The following PTPRK variants were observed in gnomAD, a reference collection of about 807,000 sequenced individuals.
PTPRK encodes protein tyrosine phosphatase receptor type K.
A neutral mutation model predicts 178.0 loss-of-function variants in PTPRK; 75 were observed. The observed-to-expected ratio is 0.42, with a 90% CI of 0.35 to 0.51. The LOEUF (loss-of-function observed/expected upper bound fraction) is 0.51, where lower values mean the gene tolerates loss of function less well. Ranked by LOEUF, PTPRK falls within the 20% of genes least tolerant of loss-of-function variation. PTPRK has a pLI of 0.02. For missense variants in PTPRK, 1,441 were observed against 1,797.8 expected (o/e 0.80, Z 3.59); for synonymous variants, 637 against 620.6 (o/e 1.03, Z -0.39).
At chr6:128,121,963 T>C (rs1177156529) in intron 7 of PTPRK, among the ~76,000 whole-genome samples, 1 of 152,168 alleles carries the variant, frequency 6.6e-6, no homozygotes, top group Non-Finnish European at 1.5e-5. Flanking sequence ...TGTTCAGAGA[T>C]GTCTCATTCC....
chr6:127,996,948 T>A lies in PTPRK; in HGVS notation c.2720A>T (p.Lys907Ile). Residue 907 changes from lysine (K) to isoleucine (I), a missense_variant, in exon 17 of 30, where the codon AAA becomes ATA. Coordinates refer to ENST00000368226, the MANE Select transcript of PTPRK (RefSeq NM_002844.4). Reference sequence around the variant, plus strand: ...GTTTTTTGCTCTATTTTGATCTTTTTTAGCTACATCCCAAGATGCTGACTG... The same window carrying A: ...GTTTTTTGCTCTATTTTGATCTTTTATAGCTACATCCCAAGATGCTGACTG... ...EGQSASWDVA[K>I]KDQNRAKNRY... The A allele has an allele frequency of 6.2e-7, 1 of 1,612,084 alleles. No individual in the cohort carries two copies. Among genetic ancestry groups the A allele is most frequent in the Non-Finnish European group, 8.5e-7 (1 of 1,178,920 alleles).
At chr6:128,404,697 G>T (rs1241504185) in intron 1 of PTPRK, among the ~76,000 whole-genome samples, 1 of 152,126 alleles carries the variant, frequency 6.6e-6, no homozygotes, top group Non-Finnish European at 1.5e-5. Context: ...TGGAGCTAAT[G>T]GGTAATTAAT....
At chr6:128,308,741 C>G (rs773950039) in intron 3 of PTPRK, among the ~76,000 whole-genome samples, 2 of 152,148 alleles carry the variant, frequency 1.3e-5, no homozygotes, top group Non-Finnish European at 2.9e-5. Context: ...AACCACCCTA[C>G]GAAGTCCAGC....
intron 3 of PTPRK, among the ~76,000 whole-genome samples, chr6:128,293,253 C>T (rs905880189): frequency 5.9e-5 from 9 of 151,974 alleles, no homozygotes; most frequent in Admixed American, 6.6e-5. Flanking sequence ...CTAGAAGCTG[C>T]GAAGTCCAAA....
At chr6:128,410,911 G>A (rs1842236292) in intron 1 of PTPRK, among the ~76,000 whole-genome samples, 1 of 152,156 alleles carries the variant, frequency 6.6e-6, no homozygotes, top group South Asian at 2.1e-4. Flanking sequence ...TTCTTTTTGA[G>A]ATGGGGTCTT....
chr6:128,047,039 TG>T (rs1177100525), intron 13 of PTPRK, among the ~76,000 whole-genome samples: 23 of 152,246 alleles, frequency 1.5e-4, no homozygotes, highest in African/African-American at 5.3e-4. Flanking sequence ...ATGAAGAAAA[TG>T]CTTTTAAAAA....
intron 2 of PTPRK, among the ~76,000 whole-genome samples, chr6:128,347,039 G>A (rs2128335018): frequency 6.6e-6 from 1 of 152,232 alleles, no homozygotes; most frequent in East Asian, 1.9e-4. Flanking sequence ...GACAGCAAAA[G>A]AAAAGGAAAA....
rs573230731 is a variant in PTPRK, at chr6:127,980,109, A to G, written c.3711+1007T>C. On this transcript the variant is annotated intron_variant, in intron 25 of 29. Coordinates refer to ENST00000368226, the MANE Select transcript of PTPRK (RefSeq NM_002844.4). ...GTGGATCACCTGAGGTCAGGAGTTC[A>G]ATACCAATCTGACCAACATGGTGAA... Among the ~76,000 whole-genome samples, 16 of 152,290 alleles carry G rather than the reference A, an allele frequency of 1.1e-4. No homozygotes were observed. The South Asian group carries it at 3.1e-3, about 30-fold the overall frequency.
intron 1 of PTPRK, among the ~76,000 whole-genome samples, chr6:128,514,589 G>A (rs1857672825): frequency 2.0e-5 from 3 of 152,094 alleles, no homozygotes; most frequent in Admixed American, 1.3e-4. Flanking sequence ...CATTATCAGA[G>A]CTCAATAATC....
chr6:128,248,378 T>A (rs1815852133), intron 3 of PTPRK, among the ~76,000 whole-genome samples: 1 of 152,184 alleles, frequency 6.6e-6, no homozygotes, highest in Non-Finnish European at 1.5e-5. Context: ...TTCCACAAGA[T>A]GTGTCCTCAA....
At chr6:128,175,324 T>C (rs368913058) in intron 7 of PTPRK, among the ~76,000 whole-genome samples, 9 of 151,870 alleles carry the variant, frequency 5.9e-5, no homozygotes, top group African/African-American at 1.7e-4. Flanking sequence ...GTAAAGCGCA[T>C]TGATATAATA....
chr6:128,219,204 C>A, intron 5 of PTPRK, 108 bp from the exon 6 acceptor site: 2 of 1,068,228 alleles, frequency 1.9e-6, no homozygotes, highest in Non-Finnish European at 2.6e-6. Context: ...TGCAAAAGAG[C>A]CACAATTTTT....
At chr6:128,489,253 T>A (rs2128428151) in intron 1 of PTPRK, among the ~76,000 whole-genome samples, 1 of 152,294 alleles carries the variant, frequency 6.6e-6, no homozygotes, top group East Asian at 1.9e-4. Context: ...ATAAGGAACA[T>A]GTTTTTACTG....
chr6:128,408,334 G>T (rs1258348581), intron 1 of PTPRK, among the ~76,000 whole-genome samples: 4 of 152,162 alleles, frequency 2.6e-5, no homozygotes, highest in Non-Finnish European at 5.9e-5. Flanking sequence ...GTTACAGTGA[G>T]CCGAGATCGT....
At chr6:128,047,435 T>C (rs1045918837) in intron 13 of PTPRK, among the ~76,000 whole-genome samples, 2 of 152,152 alleles carry the variant, frequency 1.3e-5, no homozygotes, top group Non-Finnish European at 2.9e-5. Context: ...ATCAAACAAA[T>C]GAAAAATGAA....
chr6:128,267,880 C>T (rs988159561), intron 3 of PTPRK, among the ~76,000 whole-genome samples: 7 of 151,972 alleles, frequency 4.6e-5, no homozygotes, highest in Non-Finnish European at 1.0e-4. Context: ...TTGGGAAAGG[C>T]GTGAGCAAAA....
intron 2 of PTPRK, among the ~76,000 whole-genome samples, chr6:128,325,025 C>T (rs1829354311): frequency 6.6e-6 from 1 of 152,048 alleles, no homozygotes; most frequent in African/African-American, 2.4e-5. Context: ...TAACTAATTC[C>T]TCAGATTTCT....
intron 13 of PTPRK, chr6:128,027,896 C>T (rs1261219626): frequency 1.3e-5 from 2 of 152,136 alleles, no homozygotes; most frequent in Non-Finnish European, 2.9e-5. Context: ...CCAGCTGTAT[C>T]TTCTTTTACC....
At chr6:128,435,460 T>C (rs981222318) in intron 1 of PTPRK, among the ~76,000 whole-genome samples, 1 of 152,178 alleles carries the variant, frequency 6.6e-6, no homozygotes, top group Non-Finnish European at 1.5e-5. Context: ...AACTTTTTTC[T>C]TGATATGGAA....
Sources: allele counts gnomAD v4.1 joint callset (sites outside exome capture counted in the v4.1 genomes callset), GRCh38; gene constraint gnomAD v4.1.1; transcripts MANE v1.5; gene names NCBI Gene and HGNC (gene_info 2026-07-23, HGNC 2026-07-21).